The following JAKMIP2 variants were observed in gnomAD, a reference collection of about 807,000 sequenced individuals.
JAKMIP2 encodes the protein janus kinase and microtubule-interacting protein 2.
A neutral mutation model predicts 115.0 loss-of-function variants in JAKMIP2; 25 were observed. The ratio of observed to expected loss-of-function variants is 0.22; its 90% confidence interval spans 0.16 to 0.30. JAKMIP2 has a LOEUF of 0.30. Ranked by LOEUF, JAKMIP2 falls within the 10% of genes least tolerant of loss-of-function variation. The pLI, the probability that JAKMIP2 is intolerant of heterozygous loss-of-function variation, is 1.00. For synonymous variants in JAKMIP2, 334 were observed against 343.6 expected, an observed-to-expected ratio of 0.97 and a Z score of 0.31; for missense variants, 642 against 957.6, an observed-to-expected ratio of 0.67 and a Z score of 4.35.
chr5:147,684,296 AACACACACACACACAC>A (rs10565596), intron 1 of JAKMIP2, among the ~76,000 whole-genome samples: 3 of 147,474 alleles, frequency 2.0e-5, no homozygotes, highest in African/African-American at 4.9e-5. Flanking sequence ...AGTGCCAGAG[AACACACACACACACAC>A]ACACACACAC....
At chr5:147,733,457 T>A (rs1210099924) in intron 1 of JAKMIP2, among the ~76,000 whole-genome samples, 1 of 152,176 alleles carries the variant, frequency 6.6e-6, no homozygotes, top group Non-Finnish European at 1.5e-5. Flanking sequence ...AAGCAATTTT[T>A]AAAAATATTT....
At chr5:147,680,623 A>G (rs1407418390) in intron 1 of JAKMIP2, among the ~76,000 whole-genome samples, 4 of 152,192 alleles carry the variant, frequency 2.6e-5, no homozygotes, top group Non-Finnish European at 5.9e-5. Context: ...ATGCTTTTCA[A>G]TGAGATGCTA....
At chr5:147,643,872 T>C (rs902459670) in intron 7 of JAKMIP2, among the ~76,000 whole-genome samples, 186 bp downstream of exon 7, 7 of 152,188 alleles carry the variant, frequency 4.6e-5, no homozygotes, top group African/African-American at 1.7e-4. Context: ...AGGGTTATAA[T>C]TTAAAAGGTG....
intron 2 of JAKMIP2, chr5:147,661,874 G>A (rs1758998108): frequency 5.8e-6 from 1 of 171,870 alleles, no homozygotes; most frequent in Non-Finnish European, 1.2e-5. Context: ...CCTTTACGGG[G>A]AGGACTGCAA....
chr5:147,602,914 T>C (rs1755781829), intron 20 of JAKMIP2, among the ~76,000 whole-genome samples: 2 of 152,236 alleles, frequency 1.3e-5, no homozygotes, highest in South Asian at 4.1e-4. Context: ...TGAGTATGGC[T>C]CTAAGAGGCA....
intron 1 of JAKMIP2, among the ~76,000 whole-genome samples, chr5:147,702,573 A>G (rs1156481152): frequency 1.6e-5 from 2 of 128,810 alleles, no homozygotes; most frequent in African/African-American, 6.3e-5. Context: ...AGAAAGAAAG[A>G]AAGAAGGAAA....
chr5:147,616,323 G>C (rs1756580750), intron 19 of JAKMIP2, among the ~76,000 whole-genome samples: 3 of 152,158 alleles, frequency 2.0e-5, no homozygotes, highest in Admixed American at 2.0e-4. Context: ...ATATTCTAAT[G>C]AACATTTGTT....
intron 21 of JAKMIP2, among the ~76,000 whole-genome samples, chr5:147,593,407 A>T (rs1755195115): frequency 6.6e-6 from 1 of 152,194 alleles, no homozygotes; most frequent in African/African-American, 2.4e-5. Context: ...AGCCAAAGAA[A>T]CATCTGCAAT....
In JAKMIP2 at chr5:147,702,559, AGAAAGAAAGAAAGAAAGAAG is replaced by A. The variant is rs1233915034; in HGVS notation, c.-148-30625_-148-30606del. Among the ~76,000 whole-genome samples, 242 of 119,064 alleles carry A rather than the reference AGAAAGAAAGAAAGAAAGAAG, an allele frequency of 2.0e-3. 3 individuals carry two copies. Among genetic ancestry groups the A allele is most frequent in the South Asian group, 5.2e-3 (16 of 3,094 alleles). 78.1% of individuals were successfully genotyped at this position (119,064 alleles called of 152,430 possible). A position where few individuals can be genotyped will look rare whatever the true frequency, so the allele number is the denominator to read the frequency against. On this transcript the variant is annotated intron_variant, in intron 1 of 21. Coordinates refer to ENST00000616793, the MANE Select transcript of JAKMIP2 (RefSeq NM_001270941.2). Reference sequence around the variant, plus strand: ...AGAGAGAGAGACAAAGAAAGAAGAAAGAAAGAAAGAAAGAAAGAAGGAAAGAAAGAAAGAAAGAAAGAAGG... The same window carrying A: ...AGAGAGAGAGACAAAGAAAGAAGAAAGAAAGAAAGAAAGAAAGAAAGAAGG...
intron 1 of JAKMIP2, among the ~76,000 whole-genome samples, chr5:147,703,646 C>T (rs199969213): frequency 1.3e-5 from 2 of 148,214 alleles, no homozygotes; most frequent in African/African-American, 5.0e-5. Context: ...AGGCTGGTCT[C>T]GTGCTCCTGA....
At chr5:147,656,300 A>C (rs1184172908) in intron 3 of JAKMIP2, among the ~76,000 whole-genome samples, 1 of 152,208 alleles carries the variant, frequency 6.6e-6, no homozygotes, top group Non-Finnish European at 1.5e-5. Context: ...TTAGCCTCCC[A>C]CTATTACTCT....
intron 18 of JAKMIP2, among the ~76,000 whole-genome samples, chr5:147,619,654 A>G (rs1487385606): frequency 1.3e-5 from 2 of 152,226 alleles, no homozygotes; most frequent in South Asian, 2.1e-4. Context: ...TTCATTATGA[A>G]GAAGCATGCA....
At chr5:147,647,343 G>T (rs979325338) in intron 5 of JAKMIP2, among the ~76,000 whole-genome samples, 5 of 151,932 alleles carry the variant, frequency 3.3e-5, no homozygotes. Context: ...GTCAATTACA[G>T]CCTAAAATGC....
intron 18 of JAKMIP2, among the ~76,000 whole-genome samples, chr5:147,618,542 G>C (rs145942488): frequency 5.1e-4 from 77 of 152,208 alleles, no homozygotes; most frequent in African/African-American, 1.9e-3. Context: ...TTCGAGACCA[G>C]CCTGGCCAAT....
At chr5:147,742,169 T>C (rs985321603) in intron 1 of JAKMIP2, among the ~76,000 whole-genome samples, 1 of 90,778 alleles carries the variant, frequency 1.1e-5, no homozygotes, top group Non-Finnish European at 2.0e-5. Flanking sequence ...TTTTTACTAT[T>C]GTATTGTATC....
chr5:147,713,208 T>C (rs1016438602), intron 1 of JAKMIP2, among the ~76,000 whole-genome samples: 16 of 152,220 alleles, frequency 1.1e-4, no homozygotes, highest in African/African-American at 3.9e-4. Context: ...ATTATATTAA[T>C]ACAAAATTGC....
At chr5:147,625,181 G>A (rs1269891626) in intron 16 of JAKMIP2, among the ~76,000 whole-genome samples, 2 of 152,030 alleles carry the variant, frequency 1.3e-5, no homozygotes, top group East Asian at 1.9e-4. Context: ...GGGTTTCACC[G>A]TGTTCCCCAG....
intron 17 of JAKMIP2, among the ~76,000 whole-genome samples, chr5:147,620,959 A>G (rs1031178253): frequency 1.3e-5 from 2 of 152,222 alleles, no homozygotes; most frequent in Non-Finnish European, 2.9e-5. Flanking sequence ...TATAATGAAA[A>G]ATCCACATAG....
chr5:147,756,254 T>C (rs1038091480), intron 1 of JAKMIP2, among the ~76,000 whole-genome samples: 1 of 152,174 alleles, frequency 6.6e-6, no homozygotes, highest in South Asian at 2.1e-4. Flanking sequence ...AGACAACTTG[T>C]ATTTGTGTTG....
Sources: gnomAD v4.1 joint callset for allele counts (sites outside exome capture counted in the v4.1 genomes callset) on GRCh38, gnomAD v4.1.1 for gene constraint, MANE v1.5 for transcripts, NCBI Gene and HGNC (gene_info 2026-07-23, HGNC 2026-07-21) for gene names.